Variants in NFIB observed in about 807,000 individuals in gnomAD.
NFIB encodes nuclear factor 1 B-type.
In NFIB, 11 loss-of-function variants were observed where a neutral mutation model predicts 61.5. The ratio of observed to expected loss-of-function variants is 0.18; its 90% CI spans 0.11 to 0.30. NFIB has a LOEUF of 0.30. Ranked by LOEUF, NFIB falls within the 10% of genes least tolerant of loss-of-function variation. The pLI, the probability that NFIB is intolerant of heterozygous loss-of-function variation, is 1.00. For synonymous variants in NFIB, 260 were observed against 216.5 expected (o/e 1.20, Z -1.76); for missense variants, 471 against 608.9 (o/e 0.77, Z 2.38).
intron 2 of NFIB, among the ~76,000 whole-genome samples, chr9:14,272,890 T>C (rs1319746657): frequency 6.6e-6 from 1 of 152,200 alleles, no homozygotes; most frequent in Non-Finnish European, 1.5e-5. Flanking sequence ...AATGCTGAGT[T>C]GATTTATGTA....
intron 1 of NFIB, among the ~76,000 whole-genome samples, chr9:14,359,990 T>C (rs549199848): frequency 3.6e-4 from 55 of 152,340 alleles, no homozygotes; most frequent in African/African-American, 1.3e-3. Flanking sequence ...TTAAGCCAAA[T>C]TCCTAACCAA....
chr9:14,489,778 A>T, the NFIB span, among the ~76,000 whole-genome samples: 1 of 151,954 alleles, frequency 6.6e-6, no homozygotes, highest in East Asian at 1.9e-4. Flanking sequence ...ATATCTATAC[A>T]CATATATTAT....
At chr9:14,432,184 G>C in the NFIB span, among the ~76,000 whole-genome samples, 1 of 152,114 alleles carries the variant, frequency 6.6e-6, no homozygotes, top group African/African-American at 2.4e-5. Context: ...AGTATTTTTT[G>C]AGCAGTAACT....
chr9:14,411,725 A>G, the NFIB span, among the ~76,000 whole-genome samples: 6 of 152,270 alleles, frequency 3.9e-5, no homozygotes, highest in East Asian at 1.9e-4. Context: ...ACAGTCCCCA[A>G]TAAACCCCCA....
rs1276641421 is a variant in NFIB, at chr9:14,082,059, C to G, written c.*6250G>C. On this transcript the variant is annotated 3_prime_UTR_variant, in exon 11 of 11. Transcript: ENST00000380953. ...ACAAAAAGTACCCAAAGAACGTTATCCTCCAACCGGGCACAATAAAACCTT... is the reference window on the plus strand; with the variant it reads ...ACAAAAAGTACCCAAAGAACGTTATGCTCCAACCGGGCACAATAAAACCTT... 4.7e-6 allele frequency: 1 copy of G among 211,030 alleles called. No individual in the cohort carries two copies. Among genetic ancestry groups the G allele is most frequent in the Non-Finnish European group, 9.6e-6 (1 of 103,672 alleles). The allele number at this position is 211,030 out of a possible 1,614,324, so 13.1% of individuals were successfully genotyped here. A position where few individuals can be genotyped will look rare whatever the true frequency, so the allele number is the denominator to read the frequency against.
chr9:14,216,449 G>C (rs543895601), intron 2 of NFIB, among the ~76,000 whole-genome samples: 4 of 151,346 alleles, frequency 2.6e-5, no homozygotes, highest in African/African-American at 9.7e-5. Flanking sequence ...GCTCTGCCAA[G>C]GTGCATCTGT....
chr9:14,129,000 T>TA (rs1017148544), intron 6 of NFIB, among the ~76,000 whole-genome samples: 6 of 152,200 alleles, frequency 3.9e-5, no homozygotes, highest in African/African-American at 1.4e-4. Context: ...ACTGAGTAAT[T>TA]ATTATGGGTC....
chr9:14,417,642 T>G, the NFIB span, among the ~76,000 whole-genome samples: 6 of 152,156 alleles, frequency 3.9e-5, no homozygotes, highest in Non-Finnish European at 7.4e-5. Flanking sequence ...ACTAACCAGA[T>G]AGAAGTATTT....
At chr9:14,250,034 C>A (rs1444458353) in intron 2 of NFIB, among the ~76,000 whole-genome samples, 1 of 152,186 alleles carries the variant, frequency 6.6e-6, no homozygotes. Context: ...CCCCTCGAGT[C>A]TCTTTCTTCT....
intron 6 of NFIB, among the ~76,000 whole-genome samples, chr9:14,138,442 C>G (rs1321826316): frequency 6.6e-6 from 1 of 151,844 alleles, no homozygotes; most frequent in Non-Finnish European, 1.5e-5. Flanking sequence ...CTGATTCAAA[C>G]AAGACAACCT....
intron 1 of NFIB, among the ~76,000 whole-genome samples, chr9:14,395,064 T>C (rs1007314853): frequency 6.6e-6 from 1 of 152,154 alleles, no homozygotes; most frequent in Admixed American, 6.5e-5. Flanking sequence ...ATCTATTTAG[T>C]CAAGGTCTAC....
intron 2 of NFIB, among the ~76,000 whole-genome samples, chr9:14,280,879 T>A (rs1588104502): frequency 6.6e-6 from 1 of 152,238 alleles, no homozygotes; most frequent in African/African-American, 2.4e-5. Context: ...TTCTTTTATA[T>A]GTTATATAGT....
chr9:14,232,070 T>A (rs2053253647), intron 2 of NFIB, among the ~76,000 whole-genome samples: 1 of 152,162 alleles, frequency 6.6e-6, no homozygotes, highest in Non-Finnish European at 1.5e-5. Context: ...ACAGTATGAT[T>A]TTACTCTAGT....
chr9:14,370,897 C>T lies in NFIB; in HGVS notation c.108+27627G>A, dbSNP rs563430866. Among the ~76,000 whole-genome samples, 7 of 152,284 alleles carry T rather than the reference C, an allele frequency of 4.6e-5. No individual in the cohort carries two copies. The East Asian group carries it at 7.7e-4, about 17-fold the overall frequency. ...ATCACTTGAGGTCGGGAGTTCAAGA[C>T]CAGCCTGGCCAACGTGGCGAAACCC... On this transcript the variant is annotated intron_variant, in intron 1 of 8. Coordinates refer to the NFIB transcript ENST00000380934.
chr9:14,403,932 C>T (rs1424098105), upstream of NFIB, among the ~76,000 whole-genome samples: 1 of 152,094 alleles, frequency 6.6e-6, no homozygotes, highest in Admixed American at 6.5e-5. Flanking sequence ...AGAGATCATT[C>T]CAAATATATG....
At chr9:14,190,209 C>A (rs2047795639) in intron 2 of NFIB, among the ~76,000 whole-genome samples, 1 of 152,036 alleles carries the variant, frequency 6.6e-6, no homozygotes, top group East Asian at 1.9e-4. Context: ...GATTAATAAC[C>A]AGTCCTTGTT....
At chr9:14,210,169 C>A (rs1265776760) in intron 2 of NFIB, among the ~76,000 whole-genome samples, 9 of 152,026 alleles carry the variant, frequency 5.9e-5, no homozygotes, top group Non-Finnish European at 7.4e-5. Flanking sequence ...CAAACATTTT[C>A]CTTTGGAAAA....
intron 1 of NFIB, among the ~76,000 whole-genome samples, chr9:14,327,420 T>C (rs2060768389): frequency 6.6e-6 from 1 of 152,196 alleles, no homozygotes. Flanking sequence ...ATTCCGTAAG[T>C]AAGAAATCGT....
chr9:14,493,364 AT>A, the NFIB span, among the ~76,000 whole-genome samples: 299 of 149,364 alleles, frequency 2.0e-3, 1 homozygote, highest in African/African-American at 4.4e-3. Flanking sequence ...AGGCAGAAGC[AT>A]TTTTTTTTTG....
Sources: allele counts gnomAD v4.1 joint callset (sites outside exome capture counted in the v4.1 genomes callset), GRCh38; gene constraint gnomAD v4.1.1; transcripts MANE v1.5; gene names NCBI Gene and HGNC (gene_info 2026-07-23, HGNC 2026-07-21).